Variants in MMP16 observed in about 807,000 individuals in gnomAD.
The protein encoded by MMP16 is matrix metalloproteinase-16.
A neutral mutation model predicts 67.8 loss-of-function variants in MMP16; 12 were observed. That is an observed-to-expected ratio of 0.18 (90% CI 0.11 to 0.29). MMP16 has a LOEUF of 0.29. Among genes scored for constraint, MMP16 ranks in the 10% least tolerant of loss-of-function variants. The pLI is 1.00. For missense variants in MMP16, 475 were observed against 765.7 expected (o/e 0.62, Z 4.48); for synonymous variants, 249 against 255.9 (o/e 0.97, Z 0.26).
intron 6 of MMP16, among the ~76,000 whole-genome samples, chr8:88,075,831 C>T (rs924994072): frequency 1.3e-5 from 2 of 151,928 alleles, no homozygotes; most frequent in Non-Finnish European, 2.9e-5. Context: ...TTTCACACAA[C>T]TTACATATTA....
At chr8:88,116,196 C>T (rs1809430757) in intron 6 of MMP16, among the ~76,000 whole-genome samples, 1 of 152,012 alleles carries the variant, frequency 6.6e-6, no homozygotes, top group Non-Finnish European at 1.5e-5. Flanking sequence ...CAAATCATCC[C>T]TATTAGTTCC....
At chr8:88,256,538 T>TA (rs1290770592) in intron 1 of MMP16, among the ~76,000 whole-genome samples, 10 of 152,168 alleles carry the variant, frequency 6.6e-5, no homozygotes, top group African/African-American at 2.4e-4. Context: ...TCAATAAACT[T>TA]ATTTTTGAAT....
At chr8:88,222,739 A>T (rs867318866) in intron 1 of MMP16, among the ~76,000 whole-genome samples, 3 of 152,130 alleles carry the variant, frequency 2.0e-5, no homozygotes. Context: ...AACCATAAAA[A>T]CCCTAGAAGA....
Position 88,327,211 on chromosome 8 carries a change from A to T in MMP16, c.-5T>A. The T allele has an allele frequency of 6.2e-7, 1 of 1,613,656 alleles. No individual in the cohort carries two copies. Reference sequence around the variant, plus strand: ...GCTGAATGTGAGTAAGATCATAGTGAACTGTGCTTCAATGGATGGACGAGC... The same window carrying T: ...GCTGAATGTGAGTAAGATCATAGTGTACTGTGCTTCAATGGATGGACGAGC... On this transcript the variant is annotated 5_prime_UTR_variant, in exon 1 of 10. Transcript: ENST00000286614.
chr8:88,035,265 C>A lies in MMP16; in HGVS notation c.*6196G>T, dbSNP rs1417810670. ...ATCCCTTTTTAAGGGCATATAAATT[C>A]AGCTCTACAGCAGAGCACATGGGAA... On this transcript the variant is annotated 3_prime_UTR_variant, in exon 10 of 10. Coordinates refer to ENST00000286614, the MANE Select transcript of MMP16 (RefSeq NM_005941.5). This position sits in a 1 kb window ranked among gnomAD's most constrained non-coding sequence, Gnocchi z 4.7. The A allele has an allele frequency of 1.9e-4, 29 of 151,960 alleles. 1 individual carries two copies. The highest frequency in any genetic ancestry group is 1.9e-3 in the Admixed American group (29 of 15,214). The allele number at this position is 151,960 out of a possible 1,614,324, so 9.4% of individuals were successfully genotyped here. A position where few individuals can be genotyped will look rare whatever the true frequency, so the allele number is the denominator to read the frequency against.
chr8:88,327,424 C>T lies in MMP16; in HGVS notation c.-218G>A. 1 of 527,242 alleles carries T rather than the reference C, an allele frequency of 1.9e-6. No individual in the cohort carries two copies. Among genetic ancestry groups the T allele is most frequent in the Non-Finnish European group, 3.4e-6 (1 of 292,252 alleles). 32.7% of individuals were successfully genotyped at this position (527,242 alleles called of 1,614,324 possible). Reference sequence around the variant, plus strand: ...CAGGGTCAGCAGTAGTTCCTGTTCACCATCCTCCGGGGTCAGTCACCGGGA... The same window carrying T: ...CAGGGTCAGCAGTAGTTCCTGTTCATCATCCTCCGGGGTCAGTCACCGGGA... On this transcript the variant is annotated 5_prime_UTR_variant, in exon 1 of 10. It adds an upstream start codon to the 5' untranslated region. Transcript: ENST00000286614.
intron 1 of MMP16, among the ~76,000 whole-genome samples, chr8:88,204,832 C>A (rs1417624770): frequency 6.6e-6 from 1 of 152,198 alleles, no homozygotes; most frequent in Admixed American, 6.5e-5. Context: ...TTATCAATAT[C>A]TAGATATTAG....
At chr8:88,289,337 T>C (rs1313076533) in intron 1 of MMP16, among the ~76,000 whole-genome samples, 2 of 152,138 alleles carry the variant, frequency 1.3e-5, no homozygotes, top group Non-Finnish European at 2.9e-5. Context: ...ACATTGTATA[T>C]TGGAGAAAAA....
Position 88,085,147 on chromosome 8 carries a change from T to C in MMP16, c.1084-10404A>G, listed in dbSNP as rs561411603. Among the ~76,000 whole-genome samples, 144 of 152,150 alleles carry C rather than the reference T, an allele frequency of 9.5e-4. 1 individual carries two copies. The highest frequency in any genetic ancestry group is 3.4e-3 in the African/African-American group (142 of 41,570). ...ACTGTTTACAGATAATTGTAAAAGG[T>C]ACTGTAGTGTTTAAAAAGAGAGCAA... On this transcript the variant is annotated intron_variant, in intron 6 of 9. Coordinates refer to ENST00000286614, the MANE Select transcript of MMP16 (RefSeq NM_005941.5).
At chr8:88,134,528 G>A (rs558325975) in intron 4 of MMP16, among the ~76,000 whole-genome samples, 93 of 151,522 alleles carry the variant, frequency 6.1e-4, no homozygotes, top group African/African-American at 2.1e-3. Flanking sequence ...TAAAAAAGGG[G>A]TTAGGTTTTG....
In MMP16 at chr8:88,032,705, T is replaced by C. The variant is rs986572047; in HGVS notation, c.*8756A>G. On this transcript the variant is annotated 3_prime_UTR_variant, in exon 10 of 10. Transcript: ENST00000286614. ...TTTGTGTTTGTCAGTAGAAGCTATC[T>C]GAAAAAAAAAATGCCAGATTTAAGA... is the stretch of plus-strand genomic sequence containing the variant. 1 of 91,714 alleles carries C rather than the reference T, an allele frequency of 1.1e-5. No individual in the cohort carries two copies. The highest frequency in any genetic ancestry group is 2.3e-5 in the Non-Finnish European group (1 of 42,904). The allele number at this position is 91,714 out of a possible 1,614,324, so 5.7% of individuals were successfully genotyped here. A position where few individuals can be genotyped will look rare whatever the true frequency, so the allele number is the denominator to read the frequency against.
chr8:88,259,904 G>C (rs1430983488), intron 1 of MMP16, among the ~76,000 whole-genome samples: 1 of 152,112 alleles, frequency 6.6e-6, no homozygotes, highest in Non-Finnish European at 1.5e-5. Context: ...CGTTCAGTCT[G>C]GTAAACTGGT....
intron 6 of MMP16, among the ~76,000 whole-genome samples, chr8:88,101,059 C>G (rs1809135441): frequency 1.3e-5 from 2 of 151,842 alleles, no homozygotes; most frequent in South Asian, 4.2e-4. Flanking sequence ...ACCAACATGG[C>G]ACATGTATAC....
chr8:88,054,769 T>A (rs1244672068), intron 8 of MMP16, among the ~76,000 whole-genome samples: 1 of 152,206 alleles, frequency 6.6e-6, no homozygotes, highest in African/African-American at 2.4e-5. Context: ...TAAAGCTTAA[T>A]GTTTGAAACC....
intron 6 of MMP16, among the ~76,000 whole-genome samples, chr8:88,112,399 T>C (rs1809351860): frequency 4.6e-5 from 7 of 151,760 alleles, no homozygotes. Flanking sequence ...TGTTCTTATC[T>C]TGTAGTCCAA....
chr8:88,101,407 T>C (rs1039574536), intron 6 of MMP16, among the ~76,000 whole-genome samples: 5 of 151,934 alleles, frequency 3.3e-5, no homozygotes, highest in Non-Finnish European at 7.4e-5. Context: ...TAATAGTAAC[T>C]GCAAATGCAG....
At chr8:88,205,069 G>C (rs1480996440) in intron 1 of MMP16, among the ~76,000 whole-genome samples, 4 of 152,158 alleles carry the variant, frequency 2.6e-5, no homozygotes, top group Non-Finnish European at 5.9e-5. Flanking sequence ...CTGCTAGCAT[G>C]CCTTTACTGC....
intron 7 of MMP16, chr8:88,069,471 T>C (rs1808515412): frequency 1.9e-6 from 1 of 531,446 alleles, no homozygotes; most frequent in African/African-American, 1.9e-5. Context: ...CCATTTCCAA[T>C]GGTATTTGTA....
intron 1 of MMP16, among the ~76,000 whole-genome samples, chr8:88,268,419 T>C (rs920727948): frequency 2.6e-5 from 4 of 152,288 alleles, no homozygotes; most frequent in African/African-American, 9.6e-5. Context: ...ACAAAATATC[T>C]ACTTGATGCC....
Sources: allele counts gnomAD v4.1 joint callset (sites outside exome capture counted in the v4.1 genomes callset), GRCh38; gene constraint gnomAD v4.1.1; non-coding constraint Gnocchi (gnomAD v3.1); transcripts MANE v1.5; gene names NCBI Gene and HGNC (gene_info 2026-07-23, HGNC 2026-07-21).